FGGY: variants seen among roughly 807,000 people sequenced by gnomAD.
FGGY encodes FGGY carbohydrate kinase domain containing, also known as FGGY carbohydrate kinase domain-containing protein.
Under a neutral mutation model 71.3 loss-of-function variants are expected in FGGY, and 72 were observed. The ratio of observed to expected loss-of-function variants is 1.01; its 90% CI spans 0.84 to 1.23. The LOEUF (loss-of-function observed/expected upper bound fraction) is 1.23. Ranked by LOEUF, FGGY falls within the 50% of genes most tolerant of loss-of-function variation. The pLI, the probability that FGGY is intolerant of heterozygous loss-of-function variation, is 0.00. For missense variants in FGGY, 668 were observed against 682.3 expected, an observed-to-expected ratio of 0.98 and a Z score of 0.23; for synonymous variants, 251 against 250.3, an observed-to-expected ratio of 1.00 and a Z score of -0.02.
At chr1:59,341,478 G>C (rs1237816800) in intron 3 of FGGY, among the ~76,000 whole-genome samples, 1 of 152,200 alleles carries the variant, frequency 6.6e-6, no homozygotes, top group African/African-American at 2.4e-5. Flanking sequence ...AATGATTAGA[G>C]CACAGTGGTA....
At chr1:59,547,333 A>G (rs2095542178) in intron 7 of FGGY, among the ~76,000 whole-genome samples, 2 of 152,146 alleles carry the variant, frequency 1.3e-5, no homozygotes, top group South Asian at 4.1e-4. Flanking sequence ...TTTTGACAGT[A>G]AGTCCTGAAA....
chr1:59,476,198 CCAAA>C (rs977879480), intron 6 of FGGY, among the ~76,000 whole-genome samples: 4 of 152,172 alleles, frequency 2.6e-5, no homozygotes, highest in African/African-American at 9.7e-5. Context: ...CCCTTACCAC[CCAAA>C]CACTCTCTTC....
At chr1:59,339,639 A>G (rs929431956) in intron 2 of FGGY, among the ~76,000 whole-genome samples, 9 of 151,586 alleles carry the variant, frequency 5.9e-5, no homozygotes, top group African/African-American at 2.2e-4. Flanking sequence ...TAATTTTCGT[A>G]TTTTTAGTAG....
chr1:59,600,297 G>C (rs533069952), intron 8 of FGGY, among the ~76,000 whole-genome samples: 1 of 152,350 alleles, frequency 6.6e-6, no homozygotes, highest in African/African-American at 2.4e-5. Context: ...TCCTGAGACA[G>C]AGATACTTCT....
At chr1:59,541,639 A>G (rs2095441416) in intron 7 of FGGY, among the ~76,000 whole-genome samples, 1 of 152,200 alleles carries the variant, frequency 6.6e-6, no homozygotes, top group African/African-American at 2.4e-5. Flanking sequence ...TTTTAAAATT[A>G]TTTCCTTTGA....
At chr1:59,729,201 CATT>C (rs1223549505) in intron 14 of FGGY, among the ~76,000 whole-genome samples, 5 of 151,404 alleles carry the variant, frequency 3.3e-5, no homozygotes, top group African/African-American at 4.8e-5. Flanking sequence ...TTATTATTAT[CATT>C]ATTATTATTA....
chr1:59,444,353 G>T (rs990326966), intron 5 of FGGY, among the ~76,000 whole-genome samples: 2 of 152,128 alleles, frequency 1.3e-5, no homozygotes, highest in Non-Finnish European at 2.9e-5. Context: ...ATAATGCATA[G>T]TGATCAGATT....
intron 8 of FGGY, among the ~76,000 whole-genome samples, chr1:59,600,893 A>T (rs1269662260): frequency 6.6e-6 from 1 of 152,142 alleles, no homozygotes; most frequent in East Asian, 1.9e-4. Flanking sequence ...GGAGAGGCAG[A>T]CATTAACAGC....
chr1:59,594,002 C>G (rs1339138873), intron 8 of FGGY, among the ~76,000 whole-genome samples: 2 of 152,206 alleles, frequency 1.3e-5, no homozygotes, highest in African/African-American at 4.8e-5. Flanking sequence ...CTCTGCAACC[C>G]TGGGGGGCAG....
At chr1:59,317,483 GAAT>G (rs577031672) in intron 1 of FGGY, among the ~76,000 whole-genome samples, 82 of 152,314 alleles carry the variant, frequency 5.4e-4, no homozygotes, top group African/African-American at 1.9e-3. Flanking sequence ...CTAGAAAAAG[GAAT>G]AATGCTTTCC....
chr1:59,524,045 C>T (rs958487804), intron 7 of FGGY, among the ~76,000 whole-genome samples: 15 of 152,326 alleles, frequency 9.8e-5, no homozygotes, highest in East Asian at 3.9e-4. Flanking sequence ...GGCATCCCTA[C>T]GCTCTCAGGG....
At chr1:59,344,518 T>C (rs536113372) in intron 3 of FGGY, among the ~76,000 whole-genome samples, 1 of 152,288 alleles carries the variant, frequency 6.6e-6, no homozygotes, top group African/African-American at 2.4e-5. Flanking sequence ...CTTAAACACA[T>C]TGTTTTTGTG....
At chr1:59,757,799 G>A (rs2098305919) in intron 14 of FGGY, 132 bp from the exon 15 acceptor site, 2 of 597,288 alleles carry the variant, frequency 3.3e-6, no homozygotes, top group East Asian at 2.8e-5. Flanking sequence ...AGAAAAGTAA[G>A]TTGAAAAAAA....
At position 59,402,068 on chromosome 1, in the gene FGGY, G is replaced by T. The variant is rs970265543; in HGVS notation, c.554+23231G>T. Among the ~76,000 whole-genome samples, 6 of 152,352 alleles carry T rather than the reference G, an allele frequency of 3.9e-5. No individual in the cohort carries two copies. In the East Asian group the frequency reaches 1.2e-3, roughly 29 times the overall value. On this transcript the variant is annotated intron_variant, in intron 5 of 15. Transcript: ENST00000303721. ...CTTTCTGACTGCAGAGGTAAATTGT[G>T]TGTCTTCATCACTTAGTGCAGGAAG...
At chr1:59,535,200 G>A (rs1274736814) in intron 7 of FGGY, among the ~76,000 whole-genome samples, 1 of 151,762 alleles carries the variant, frequency 6.6e-6, no homozygotes, top group African/African-American at 2.4e-5. Flanking sequence ...TGATAAAACA[G>A]ACTTTAAACC....
In FGGY at chr1:59,474,528, GT is replaced by G. The variant is rs558804144; in HGVS notation, c.670+17458del. Among the ~76,000 whole-genome samples, 493 of 152,266 alleles carry G rather than the reference GT, an allele frequency of 3.2e-3. 4 individuals are homozygous for G. The highest frequency in any genetic ancestry group is 0.011 in the African/African-American group (473 of 41,544). On this transcript the variant is annotated intron_variant, in intron 6 of 15. Coordinates refer to ENST00000303721, the MANE Select transcript of FGGY (RefSeq NM_018291.5). Reference sequence around the variant, plus strand: ...CCTTCCTGCCACTTCTCCTGTTTGAGTTTTTTGGCAATGTGAGGACATTTAG... The same window carrying G: ...CCTTCCTGCCACTTCTCCTGTTTGAGTTTTTGGCAATGTGAGGACATTTAG...
intron 11 of FGGY, among the ~76,000 whole-genome samples, chr1:59,656,373 G>A (rs1203719837): frequency 6.6e-6 from 1 of 152,084 alleles, no homozygotes; most frequent in African/African-American, 2.4e-5. Context: ...GACTTCTTTG[G>A]CACTCCCAGG....
chr1:59,683,607 A>G (rs1352880214), intron 14 of FGGY, among the ~76,000 whole-genome samples: 1 of 152,192 alleles, frequency 6.6e-6, no homozygotes, highest in African/African-American at 2.4e-5. Flanking sequence ...GTCTGTTGCC[A>G]TCTCTTTTTA....
At chr1:59,522,463 G>C (rs577256181) in intron 7 of FGGY, among the ~76,000 whole-genome samples, 2 of 152,280 alleles carry the variant, frequency 1.3e-5, no homozygotes, top group African/African-American at 4.8e-5. Context: ...TGTATTTAAA[G>C]CAGCACAGGA....
Sources: allele counts gnomAD v4.1 joint callset (sites outside exome capture counted in the v4.1 genomes callset), GRCh38; gene constraint gnomAD v4.1.1; transcripts MANE v1.5; gene names NCBI Gene and HGNC (gene_info 2026-07-23, HGNC 2026-07-21).